MACROD2: variants seen among roughly 807,000 people sequenced by gnomAD.
MACROD2 encodes the protein ADP-ribose glycohydrolase MACROD2.
Under a neutral mutation model 70.4 loss-of-function variants are expected in MACROD2, and 36 were observed. The ratio of observed to expected loss-of-function variants is 0.51; its 90% CI spans 0.39 to 0.68. The LOEUF (loss-of-function observed/expected upper bound fraction) is 0.68. Ranked by LOEUF, MACROD2 falls within the 30% of genes least tolerant of loss-of-function variation. The pLI is 0.00. For missense variants in MACROD2, 496 were observed against 538.4 expected, an observed-to-expected ratio of 0.92 and a Z score of 0.78; for synonymous variants, 172 against 178.8, an observed-to-expected ratio of 0.96 and a Z score of 0.30.
Position 14,063,408 on chromosome 20 carries a change from T to C in MACROD2, c.164-22213T>C, listed in dbSNP as rs143231264. Among the ~76,000 whole-genome samples the C allele has an allele frequency of 1.2e-4, 18 of 152,348 alleles. No individual in the cohort carries two copies. In the East Asian group the frequency reaches 3.5e-3, roughly 29 times the overall value. The stretch of plus-strand genomic sequence containing the variant: ...TGGGGCATTAATGATCTATGCTCAA[T>C]TTTAGGCACATCCATATGCTGGCTT... On this transcript the variant is annotated intron_variant, in intron 2 of 17. Coordinates refer to ENST00000684519, the MANE Select transcript of MACROD2 (RefSeq NM_001351661.2).
chr20:14,186,857 A>G (rs1235262561), intron 3 of MACROD2, among the ~76,000 whole-genome samples: 3 of 152,204 alleles, frequency 2.0e-5, no homozygotes, highest in African/African-American at 7.2e-5. Context: ...AGAAAACAAA[A>G]TACCACATGT....
chr20:15,538,634 A>C (rs1055580830), intron 8 of MACROD2, among the ~76,000 whole-genome samples: 8 of 152,218 alleles, frequency 5.3e-5, no homozygotes, highest in Non-Finnish European at 1.0e-4. Context: ...GTAGAGACTG[A>C]GAAGAGAGCA....
chr20:14,285,505 A>G (rs1185354996), intron 3 of MACROD2, among the ~76,000 whole-genome samples: 1 of 151,990 alleles, frequency 6.6e-6, no homozygotes, highest in African/African-American at 2.4e-5. Flanking sequence ...GTTATTTTGT[A>G]GTGTTAACTT....
intron 5 of MACROD2, among the ~76,000 whole-genome samples, chr20:15,137,996 C>T (rs1229407524): frequency 6.6e-6 from 1 of 152,054 alleles, no homozygotes; most frequent in Non-Finnish European, 1.5e-5. Context: ...TTTTAGTTTA[C>T]TTCCATATAT....
At chr20:15,726,037 A>G (rs2050857766) in intron 8 of MACROD2, among the ~76,000 whole-genome samples, 1 of 152,082 alleles carries the variant, frequency 6.6e-6, no homozygotes, top group African/African-American at 2.4e-5. Context: ...CCAGGTAAAA[A>G]GCATACTACC....
chr20:14,743,242 T>C (rs1464228237), intron 5 of MACROD2, among the ~76,000 whole-genome samples: 1 of 152,116 alleles, frequency 6.6e-6, no homozygotes, highest in African/African-American at 2.4e-5. Flanking sequence ...CCTTCCAAGA[T>C]GTCCACACCC....
intron 3 of MACROD2, chr20:14,128,159 T>C (rs2054675157): frequency 6.7e-6 from 3 of 449,550 alleles, no homozygotes; most frequent in East Asian, 5.3e-5. Context: ...ACAATTACTT[T>C]TGATGCTTTC....
chr20:14,642,599 C>A (rs972711386), intron 4 of MACROD2, among the ~76,000 whole-genome samples: 1 of 152,070 alleles, frequency 6.6e-6, no homozygotes, highest in African/African-American at 2.4e-5. Context: ...TATTAAGTGG[C>A]CTAATTTCAA....
chr20:14,214,544 T>C (rs1259740668), intron 3 of MACROD2, among the ~76,000 whole-genome samples: 1 of 151,808 alleles, frequency 6.6e-6, no homozygotes, highest in East Asian at 1.9e-4. Flanking sequence ...TAACCTGATA[T>C]AATTTTAACT....
chr20:14,434,865 G>T (rs141848206), intron 3 of MACROD2, among the ~76,000 whole-genome samples: 1 of 152,190 alleles, frequency 6.6e-6, no homozygotes, highest in African/African-American at 2.4e-5. Context: ...GGTCACCAAT[G>T]AGTGCCAGTG....
chr20:15,772,570 A>G (rs2051653847), intron 8 of MACROD2, among the ~76,000 whole-genome samples: 1 of 152,108 alleles, frequency 6.6e-6, no homozygotes. Flanking sequence ...GTCTGTTTTC[A>G]CACTGCTATA....
chr20:14,241,630 A>G (rs1424022927), intron 3 of MACROD2, among the ~76,000 whole-genome samples: 2 of 152,136 alleles, frequency 1.3e-5, no homozygotes, highest in Non-Finnish European at 2.9e-5. Context: ...GAGTGCTTAT[A>G]ATAGGGAATT....
intron 2 of MACROD2, among the ~76,000 whole-genome samples, chr20:14,005,139 T>C (rs1055092243): frequency 6.6e-6 from 1 of 152,102 alleles, no homozygotes; most frequent in African/African-American, 2.4e-5. Context: ...GGAAACAAAA[T>C]ATTGCCAAGG....
chr20:14,683,098 C>T (rs572734129), intron 4 of MACROD2, among the ~76,000 whole-genome samples: 6 of 152,170 alleles, frequency 3.9e-5, no homozygotes, highest in South Asian at 4.1e-4. Flanking sequence ...AGGCTGGTCT[C>T]GAACATCTGA....
At chr20:14,987,426 A>AC (rs1404888479) in intron 5 of MACROD2, among the ~76,000 whole-genome samples, 1 of 152,270 alleles carries the variant, frequency 6.6e-6, no homozygotes, top group African/African-American at 2.4e-5. Flanking sequence ...TTGTTCACAT[A>AC]CCTTTTTTCA....
At chr20:15,343,431 T>A (rs1034760992) in intron 6 of MACROD2, among the ~76,000 whole-genome samples, 12 of 152,314 alleles carry the variant, frequency 7.9e-5, no homozygotes, top group African/African-American at 2.9e-4. Flanking sequence ...AGTAAGGCAG[T>A]GATTCAGAAG....
intron 5 of MACROD2, among the ~76,000 whole-genome samples, chr20:14,713,364 C>T (rs778017449): frequency 2.0e-5 from 3 of 152,264 alleles, no homozygotes; most frequent in East Asian, 3.9e-4. Context: ...TCTGTTTGAA[C>T]GTAAGTGGTT....
intron 5 of MACROD2, among the ~76,000 whole-genome samples, chr20:14,953,435 T>C (rs906888848): frequency 1.6e-4 from 24 of 152,074 alleles, no homozygotes; most frequent in African/African-American, 5.3e-4. Flanking sequence ...GCCTACCGAG[T>C]AGCTGGGACT....
At chr20:15,264,586 A>G (rs1201075789) in intron 6 of MACROD2, among the ~76,000 whole-genome samples, 3 of 152,142 alleles carry the variant, frequency 2.0e-5, no homozygotes, top group Non-Finnish European at 4.4e-5. Context: ...CAAGCTATGA[A>G]TGGGTGAATG....
Sources: allele counts gnomAD v4.1 joint callset (sites outside exome capture counted in the v4.1 genomes callset), GRCh38; gene constraint gnomAD v4.1.1; transcripts MANE v1.5; gene names NCBI Gene and HGNC (gene_info 2026-07-23, HGNC 2026-07-21).